Variants in DNAH17 observed in about 807,000 individuals in gnomAD.
DNAH17 encodes the protein axonemal beta dynein heavy chain 17.
Under a neutral mutation model 485.6 loss-of-function variants are expected in DNAH17, and 376 were observed. The observed-to-expected ratio is 0.77, with a 90% confidence interval of 0.71 to 0.84. The LOEUF is 0.84. Among genes scored for constraint, DNAH17 ranks in the 40% least tolerant of loss-of-function variants. The probability of loss-of-function intolerance (pLI) is 0.00; values close to 1 mark genes in which losing one functional copy is unlikely to be tolerated. For missense variants in DNAH17, 6,370 were observed against 5,839.3 expected (o/e 1.09, Z -2.96); for synonymous variants, 3,031 against 2,405.9 (o/e 1.26, Z -7.60).
chr17:78,454,451 G>A lies in DNAH17; in HGVS notation c.10406+19C>T. The A allele has an allele frequency of 1.3e-6, 2 of 1,595,774 alleles. No homozygotes were observed. The highest frequency in any genetic ancestry group is 1.7e-6 in the Non-Finnish European group (2 of 1,169,336). ...CAAGCAGAGCCGGGCTTCGGCCCAGGTCCTGCGCCCGCACACACCTCTTCT... is the reference window on the plus strand; with the variant it reads ...CAAGCAGAGCCGGGCTTCGGCCCAGATCCTGCGCCCGCACACACCTCTTCT... On this transcript the variant is annotated intron_variant, in intron 64 of 80. Coordinates refer to ENST00000389840, the MANE Select transcript of DNAH17 (RefSeq NM_173628.4).
intron 48 of DNAH17, among the ~76,000 whole-genome samples, chr17:78,482,042 T>C (rs953272330): frequency 2.0e-5 from 3 of 150,474 alleles, no homozygotes; most frequent in Non-Finnish European, 3.0e-5. Flanking sequence ...AGCTGAATAA[T>C]TTCCTTGATG....
intron 71 of DNAH17, among the ~76,000 whole-genome samples, chr17:78,444,112 T>TA (rs143589187): frequency 0.016 from 2,387 of 152,352 alleles, 26 homozygotes; most frequent in Middle Eastern, 0.027. Context: ...ACTTTACGTT[T>TA]TGCCACAGAG....
At position 78,570,370 on chromosome 17, in the gene DNAH17, G is replaced by T. The variant is rs149825955; in HGVS notation, c.921C>A (p.Leu307=). The part of the protein sequence containing the change: ...EEMEQADFTM[L]PTFIAKVLDT... ...CCAGCACCTTGGCAATGAAGGTGGG[G>T]AGCTGGGGGGAGACAGGCCCAGGCA... The change falls in exon 7 of 81, where the codon CTC becomes CTA. Residue 307 remains leucine (L), a splice_region_variant and synonymous_variant. Transcript: ENST00000389840. 67 of 1,609,978 alleles carry T rather than the reference G, an allele frequency of 4.2e-5. No individual in the cohort carries two copies. The highest frequency in any genetic ancestry group is 5.6e-5 in the Non-Finnish European group (66 of 1,178,764).
intron 56 of DNAH17, among the ~76,000 whole-genome samples, chr17:78,463,804 C>T (rs572551012): frequency 6.6e-6 from 1 of 152,336 alleles, no homozygotes; most frequent in East Asian, 1.9e-4. Context: ...ATTGTCTCAG[C>T]AATGTTAATT....
At chr17:78,453,910 G>A (rs943332820) in intron 64 of DNAH17, among the ~76,000 whole-genome samples, 1 of 152,042 alleles carries the variant, frequency 6.6e-6, no homozygotes, top group Non-Finnish European at 1.5e-5. Context: ...GTCTCACTAT[G>A]TTGCACAGGC....
In DNAH17 at chr17:78,477,578, C is replaced by A. The variant is rs2089091737; in HGVS notation, c.7993-845G>T. On this transcript the variant is annotated intron_variant, in intron 51 of 80. Transcript: ENST00000389840. ...ATTTTTAGTAGACACAGGGTTTCAC[C>A]ATGTTGGCCAGGCTGGTCTCGAACT... Among the ~76,000 whole-genome samples, 4 of 152,260 alleles carry A rather than the reference C, an allele frequency of 2.6e-5. No individual in the cohort carries two copies. In the South Asian group the frequency reaches 8.3e-4, roughly 32 times the overall value.
chr17:78,431,310 G>T (rs2086662281), intron 75 of DNAH17, among the ~76,000 whole-genome samples: 1 of 152,234 alleles, frequency 6.6e-6, no homozygotes, highest in Non-Finnish European at 1.5e-5. Flanking sequence ...CAGCTTTGGA[G>T]GCAGCGTCTG....
chr17:78,563,959 G>T (rs76771134), intron 11 of DNAH17, among the ~76,000 whole-genome samples: 1 of 152,100 alleles, frequency 6.6e-6, no homozygotes, highest in South Asian at 2.1e-4. Context: ...ATAAACATAC[G>T]TGAAAATTTT....
intron 7 of DNAH17, among the ~76,000 whole-genome samples, chr17:78,570,003 C>A (rs2092327598): frequency 6.6e-6 from 1 of 152,226 alleles, no homozygotes; most frequent in Non-Finnish European, 1.5e-5. Flanking sequence ...TACGGGGACT[C>A]TCAGGGCAGA....
Position 78,494,183 on chromosome 17 carries a change from C to A in DNAH17, c.6271-10G>T. ...TGCTCTGCTTGATGATCTGGGGAGA[C>A]ATGGATGAGGCTGGGTGAGGAACTG... is the stretch of plus-strand genomic sequence containing the variant. On this transcript the variant is annotated splice_polypyrimidine_tract_variant and intron_variant, in intron 40 of 80. Transcript: ENST00000389840. 1 of 1,606,800 alleles carries A rather than the reference C, an allele frequency of 6.2e-7. No homozygotes were observed. Among genetic ancestry groups the A allele is most frequent in the Non-Finnish European group, 8.5e-7 (1 of 1,175,956 alleles).
intron 43 of DNAH17, 40 bp downstream of exon 43, chr17:78,491,403 C>G (rs1041405032): frequency 1.2e-6 from 2 of 1,603,664 alleles, no homozygotes; most frequent in Non-Finnish European, 1.7e-6. Context: ...TTGTCCCTGC[C>G]TTGGGTGGCC....
chr17:78,475,266 G>C lies in DNAH17; in HGVS notation c.8511+12C>G, dbSNP rs374492716. The C allele has an allele frequency of 6.4e-5, 104 of 1,613,714 alleles. No individual in the cohort carries two copies. Among genetic ancestry groups the C allele is most frequent in the Non-Finnish European group, 8.3e-5 (98 of 1,179,774 alleles). On this transcript the variant is annotated intron_variant, in intron 54 of 80. Coordinates refer to ENST00000389840, the MANE Select transcript of DNAH17 (RefSeq NM_173628.4). ...ACCCTGAAAGGCAGCCTATTGAACAGTAAGCTCTCACCTTGAGGTCGGGGA... is the reference window on the plus strand; with the variant it reads ...ACCCTGAAAGGCAGCCTATTGAACACTAAGCTCTCACCTTGAGGTCGGGGA...
chr17:78,539,050 G>A (rs1433844945), intron 18 of DNAH17, among the ~76,000 whole-genome samples: 1 of 152,074 alleles, frequency 6.6e-6, no homozygotes, highest in African/African-American at 2.4e-5. Context: ...GGCTAAGATG[G>A]TGAACCCTTG....
At chr17:78,553,087 A>G (rs1427503237) in intron 14 of DNAH17, among the ~76,000 whole-genome samples, 2 of 151,908 alleles carry the variant, frequency 1.3e-5, no homozygotes, top group African/African-American at 2.4e-5. Context: ...AAACAGGTGT[A>G]GCACCTCCCC....
At position 78,501,188 on chromosome 17, in the gene DNAH17, C is replaced by T; in HGVS notation, c.5479G>A (p.Asp1827Asn). The part of the protein sequence containing the change: ...TPRLVITPLT[D>N]RCYITLTQSL... ...TTACTCAGGGACGGGCCTCACCTGT[C>T]AGTGAGTGGGGTGATGACCAGCCGC... is the stretch of plus-strand genomic sequence containing the variant. Residue 1827 changes from aspartate (D) to asparagine (N), a missense_variant, in exon 35 of 81, where the codon GAC becomes AAC. Transcript: ENST00000389840. 6.3e-7 allele frequency: 1 copy of T among 1,577,340 alleles called. No individual in the cohort carries two copies. The highest frequency in any genetic ancestry group is 8.7e-7 in the Non-Finnish European group (1 of 1,153,464).
rs777329899 is a variant in DNAH17, at chr17:78,574,894, G to A, written c.164C>T (p.Thr55Met). 6.9e-5 allele frequency: 111 copies of A among 1,613,892 alleles called. No homozygotes were observed. The highest frequency in any genetic ancestry group is 1.8e-4 in the South Asian group (16 of 91,092). The stretch of plus-strand genomic sequence containing the variant: ...TATGATCATGCCGGCTGCATTGAGC[G>A]TCAGCACCAGCACCTGGACGTCGGG... Reference protein sequence around the residue: ...EKPDVQVLVLTLNAAGMIIPC... With the variant: ...EKPDVQVLVLMLNAAGMIIPC... Residue 55 changes from threonine to methionine, a missense_variant, in exon 2 of 81, where the codon ACG becomes ATG. Transcript: ENST00000389840.
At position 78,572,790 on chromosome 17, in the gene DNAH17, A is replaced by T. The variant is rs142471902; in HGVS notation, c.450T>A (p.Phe150Leu). Residue 150 changes from phenylalanine to leucine, a missense_variant, in exon 3 of 81, where the codon TTT becomes TTA. Coordinates refer to ENST00000389840, the MANE Select transcript of DNAH17 (RefSeq NM_173628.4). The stretch of plus-strand genomic sequence containing the variant: ...TGCCTTTGATCTTGCCACTCATCAC[A>T]AACATTTCATTCTTCAGCCTGTGGA... Reference protein sequence around the residue: ...KQVHRLKNEMFVMSGKIKGKT... With the variant: ...KQVHRLKNEMLVMSGKIKGKT... 3.7e-6 allele frequency: 6 copies of T among 1,613,882 alleles called. No individual in the cohort carries two copies. The highest frequency in any genetic ancestry group is 1.7e-5 in the Admixed American group (1 of 60,008).
intron 13 of DNAH17, among the ~76,000 whole-genome samples, chr17:78,558,908 T>G (rs890889350): frequency 6.6e-6 from 1 of 152,076 alleles, no homozygotes; most frequent in African/African-American, 2.4e-5. Flanking sequence ...ACGGGCCTCA[T>G]CTCATGGGAT....
chr17:78,505,544 T>C, intron 30 of DNAH17, 99 bp from the exon 31 acceptor site: 1 of 1,445,798 alleles, frequency 6.9e-7, no homozygotes, highest in East Asian at 2.3e-5. Flanking sequence ...TCGTTCTTTT[T>C]GGAATATACT....
Sources: allele counts gnomAD v4.1 joint callset (sites outside exome capture counted in the v4.1 genomes callset), GRCh38; gene constraint gnomAD v4.1.1; transcripts MANE v1.5; gene names NCBI Gene and HGNC (gene_info 2026-07-23, HGNC 2026-07-21).